The following FRYL variants were observed in gnomAD, a reference collection of about 807,000 sequenced individuals.
FRYL encodes the protein protein furry homolog-like.
FRYL carries 150 observed loss-of-function variants against 351.2 expected under a neutral mutation model. The observed-to-expected ratio is 0.43, with a 90% CI of 0.37 to 0.49. The LOEUF (loss-of-function observed/expected upper bound fraction) is 0.49. Among genes scored for constraint, FRYL ranks in the 20% least tolerant of loss-of-function variants. The probability of loss-of-function intolerance (pLI) is 0.00; values close to 1 mark genes in which losing one functional copy is unlikely to be tolerated. For missense variants in FRYL, 3,036 were observed against 3,619.3 expected (o/e 0.84, Z 4.13); for synonymous variants, 1,153 against 1,257.1 (o/e 0.92, Z 1.75).
intron 3 of FRYL, among the ~76,000 whole-genome samples, chr4:48,670,530 T>A (rs1190619509): frequency 1.3e-5 from 2 of 151,890 alleles, no homozygotes; most frequent in African/African-American, 4.8e-5. Context: ...ATGTTATTCA[T>A]TCTTTCTAAC....
chr4:48,591,166 GA>G (rs535516993), intron 16 of FRYL, among the ~76,000 whole-genome samples: 3 of 151,612 alleles, frequency 2.0e-5, no homozygotes, highest in Non-Finnish European at 2.9e-5. Flanking sequence ...CTTCACAGAA[GA>G]AAAAAAATCA....
At chr4:48,728,302 T>A (rs1244475392) in intron 1 of FRYL, among the ~76,000 whole-genome samples, 1 of 151,124 alleles carries the variant, frequency 6.6e-6, no homozygotes, top group Non-Finnish European at 1.5e-5. Flanking sequence ...GATATCTCAA[T>A]AATAACCTCA....
chr4:48,758,961 C>T (rs1243409054), intron 1 of FRYL, among the ~76,000 whole-genome samples: 1 of 152,132 alleles, frequency 6.6e-6, no homozygotes, highest in Non-Finnish European at 1.5e-5. Flanking sequence ...AACCATCATT[C>T]TCAGCAAACT....
Position 48,542,124 on chromosome 4 carries a change from G to A in FRYL, c.5593-3C>T, listed in dbSNP as rs1190220118. On this transcript the variant is annotated splice_region_variant and splice_polypyrimidine_tract_variant and intron_variant, in intron 44 of 63. Coordinates refer to ENST00000358350, the MANE Select transcript of FRYL (RefSeq NM_015030.2). Reference sequence around the variant, plus strand: ...AGAAGAAGCTCAATCACAAATCCCTGGGGGGAAAAAGGCAGATTTTAATTA... The same window carrying A: ...AGAAGAAGCTCAATCACAAATCCCTAGGGGGAAAAAGGCAGATTTTAATTA... 6.2e-7 allele frequency: 1 copy of A among 1,606,942 alleles called. No individual in the cohort carries two copies. Among genetic ancestry groups the A allele is most frequent in the African/African-American group, 1.3e-5 (1 of 74,646 alleles).
At chr4:48,612,319 A>T (rs1748371205) in intron 7 of FRYL, among the ~76,000 whole-genome samples, 1 of 152,008 alleles carries the variant, frequency 6.6e-6, no homozygotes, top group East Asian at 1.9e-4. Context: ...AAACCTTTTG[A>T]CCCTGGTAAT....
rs546912297 is a variant in FRYL, at chr4:48,499,910, C to T, written c.8783+120G>A. 2.6e-5 allele frequency: 21 copies of T among 817,486 alleles called. No homozygotes were observed. In the South Asian group the frequency reaches 3.8e-4, roughly 15 times the overall value. The allele number at this position is 817,486 out of a possible 1,614,324, so 50.6% of individuals were successfully genotyped here. On this transcript the variant is annotated intron_variant, in intron 63 of 63. Transcript: ENST00000358350. ...ATTTCAGTGGCAACTGTTAAAAATA[C>T]TCATGTTTTTCTTTCACAAAGACAT... is the stretch of plus-strand genomic sequence containing the variant.
chr4:48,667,949 A>G (rs2149492951), intron 3 of FRYL, among the ~76,000 whole-genome samples: 1 of 152,238 alleles, frequency 6.6e-6, no homozygotes, highest in South Asian at 2.1e-4. Flanking sequence ...CGTCCGGCCA[A>G]AGCCTCCATT....
chr4:48,774,695 G>A (rs1775838632), intron 1 of FRYL, among the ~76,000 whole-genome samples: 2 of 151,934 alleles, frequency 1.3e-5, no homozygotes, highest in African/African-American at 4.8e-5. Flanking sequence ...ACAGGCATGT[G>A]CCACCACACC....
Position 48,553,138 on chromosome 4 carries a change from C to G in FRYL, c.4435+77G>C, listed in dbSNP as rs1160706382. 1.3e-5 allele frequency: 15 copies of G among 1,157,954 alleles called. No homozygotes were observed. The East Asian group carries it at 3.6e-4, about 28-fold the overall frequency. The allele number at this position is 1,157,954 out of a possible 1,614,324, so 71.7% of individuals were successfully genotyped here. A position where few individuals can be genotyped will look rare whatever the true frequency, so the allele number is the denominator to read the frequency against. ...TAACATGTTATGGGACATAGAGACC[C>G]TAAAATGGTTACCATAGTGAAGCAG... On this transcript the variant is annotated intron_variant, in intron 36 of 63. Coordinates refer to ENST00000358350, the MANE Select transcript of FRYL (RefSeq NM_015030.2).
chr4:48,714,635 T>A (rs1435415966), intron 1 of FRYL, among the ~76,000 whole-genome samples: 3 of 149,570 alleles, frequency 2.0e-5, no homozygotes, highest in Admixed American at 6.7e-5. Flanking sequence ...AATCAATAGC[T>A]TACCAACCAA....
chr4:48,739,575 A>T (rs1771825561), intron 1 of FRYL, among the ~76,000 whole-genome samples: 1 of 152,156 alleles, frequency 6.6e-6, no homozygotes, highest in Non-Finnish European at 1.5e-5. Context: ...AAAACTCAAA[A>T]TGAATCACAG....
intron 15 of FRYL, 32 bp from the exon 16 acceptor site, chr4:48,594,048 A>G (rs1269893902): frequency 8.9e-7 from 1 of 1,123,438 alleles, no homozygotes; most frequent in Non-Finnish European, 1.3e-6. Flanking sequence ...ATAACTTGCT[A>G]CTATGTGTTA....
chr4:48,564,485 G>A (rs1293253369), intron 30 of FRYL, among the ~76,000 whole-genome samples: 1 of 152,200 alleles, frequency 6.6e-6, no homozygotes, highest in Admixed American at 6.5e-5. Flanking sequence ...GGGAAAAAAT[G>A]TAAGTCCTAT....
Position 48,497,533 on chromosome 4 carries a change from A to G in FRYL, c.*1889T>C, listed in dbSNP as rs556794080. On this transcript the variant is annotated 3_prime_UTR_variant, in exon 64 of 64. Transcript: ENST00000358350. ...AGGTTTCTAAATGATGCACACTGTAATCATTCATTCTTTGTTAAAATACAA... is the reference window on the plus strand; with the variant it reads ...AGGTTTCTAAATGATGCACACTGTAGTCATTCATTCTTTGTTAAAATACAA... 1 of 152,756 alleles carries G rather than the reference A, an allele frequency of 6.5e-6. No homozygotes were observed. The highest frequency in any genetic ancestry group is 1.9e-4 in the East Asian group (1 of 5,190). 9.5% of individuals were successfully genotyped at this position (152,756 alleles called of 1,614,324 possible).
At chr4:48,632,102 A>ATATATATATATATGTATG (rs1553957600) in intron 4 of FRYL, among the ~76,000 whole-genome samples, 8 of 36,770 alleles carry the variant, frequency 2.2e-4, no homozygotes, top group Non-Finnish European at 4.3e-4. Flanking sequence ...ATATATATAT[A>ATATATATATATATGTATG]TATATATATA....
Position 48,748,484 on chromosome 4 carries a change from C to T in FRYL, c.-384+31594G>A, listed in dbSNP as rs562907990. Reference sequence around the variant, plus strand: ...GAAGGAGCACATGTGCCCTCCTGGCCGGGATCTCTTTCCTCCTTTTTCCTC... The same window carrying T: ...GAAGGAGCACATGTGCCCTCCTGGCTGGGATCTCTTTCCTCCTTTTTCCTC... On this transcript the variant is annotated intron_variant, in intron 1 of 63. Coordinates refer to ENST00000358350, the MANE Select transcript of FRYL (RefSeq NM_015030.2). 1.4e-4 allele frequency among the ~76,000 whole-genome samples: 21 copies of T among 152,238 alleles called. No individual in the cohort carries two copies. The South Asian group carries it at 3.1e-3, about 23-fold the overall frequency.
intron 1 of FRYL, among the ~76,000 whole-genome samples, chr4:48,767,297 A>G (rs992785281): frequency 2.6e-5 from 4 of 152,104 alleles, no homozygotes; most frequent in African/African-American, 9.7e-5. Context: ...GACAACAGCC[A>G]GATCTTCTGA....
chr4:48,634,568 T>C, intron 3 of FRYL, 78 bp from the exon 4 acceptor site: 1 of 1,133,360 alleles, frequency 8.8e-7, no homozygotes, highest in Non-Finnish European at 1.3e-6. Flanking sequence ...CTATTTAATT[T>C]GTAAGCTGCC....
intron 1 of FRYL, among the ~76,000 whole-genome samples, chr4:48,774,016 T>C (rs1190170141): frequency 1.3e-5 from 2 of 152,294 alleles, no homozygotes; most frequent in East Asian, 3.9e-4. Context: ...CTTACACACA[T>C]TGAGAGGGAT....
Sources: gnomAD v4.1 joint callset for allele counts (sites outside exome capture counted in the v4.1 genomes callset) on GRCh38, gnomAD v4.1.1 for gene constraint, MANE v1.5 for transcripts, NCBI Gene and HGNC (gene_info 2026-07-23, HGNC 2026-07-21) for gene names.